The following TSHZ2 variants were observed in gnomAD, a reference collection of about 807,000 sequenced individuals.
The protein encoded by TSHZ2 is teashirt zinc finger homeobox 2.
A neutral mutation model predicts 74.4 loss-of-function variants in TSHZ2; 21 were observed. The ratio of observed to expected loss-of-function variants is 0.28; its 90% confidence interval spans 0.20 to 0.41. TSHZ2 has a LOEUF of 0.41. Among genes scored for constraint, TSHZ2 ranks in the 10% least tolerant of loss-of-function variants. The pLI is 1.00. For missense variants in TSHZ2, 1,244 were observed against 1,293.5 expected, an observed-to-expected ratio of 0.96 and a Z score of 0.59; for synonymous variants, 540 against 515.3, an observed-to-expected ratio of 1.05 and a Z score of -0.65.
intron 1 of TSHZ2, among the ~76,000 whole-genome samples, chr20:53,225,448 A>T: frequency 6.6e-6 from 1 of 152,224 alleles, no homozygotes. Context: ...CTGGATTCTG[A>T]CGAAGGTTAA....
chr20:53,348,342 T>C (rs1980519380), intron 2 of TSHZ2, among the ~76,000 whole-genome samples: 1 of 152,212 alleles, frequency 6.6e-6, no homozygotes, highest in East Asian at 1.9e-4. Context: ...GGATGAACCT[T>C]GCCTGTCTTT....
intron 1 of TSHZ2, among the ~76,000 whole-genome samples, chr20:53,131,828 C>G (rs1295860240): frequency 7.3e-6 from 1 of 137,808 alleles, no homozygotes; most frequent in Non-Finnish European, 1.6e-5. Flanking sequence ...AACCCCCCCC[C>G]CCCCCCAAAA....
intron 1 of TSHZ2, among the ~76,000 whole-genome samples, chr20:53,029,558 C>T (rs897928081): frequency 1.3e-5 from 2 of 152,146 alleles, no homozygotes; most frequent in African/African-American, 4.8e-5. Flanking sequence ...TGCCTGTAAT[C>T]CCAGCTACTT....
At chr20:53,442,514 G>A (rs1188614192) in intron 2 of TSHZ2, among the ~76,000 whole-genome samples, 21 of 152,178 alleles carry the variant, frequency 1.4e-4, no homozygotes, top group East Asian at 1.9e-4. Flanking sequence ...AGGGAAATGC[G>A]GTGGTAATTA....
At chr20:53,314,092 AGC>A (rs1171097775) in intron 2 of TSHZ2, among the ~76,000 whole-genome samples, 19 of 152,130 alleles carry the variant, frequency 1.2e-4, no homozygotes, top group African/African-American at 4.6e-4. Context: ...GTTCAAAACC[AGC>A]CCGGCCAACA....
rs548577622 is a variant in TSHZ2, at chr20:53,155,017, C to T, written c.41-98482C>T. Among the ~76,000 whole-genome samples, 12 of 146,172 alleles carry T rather than the reference C, an allele frequency of 8.2e-5. No individual in the cohort carries two copies. The South Asian group carries it at 2.6e-3, about 32-fold the overall frequency. ...AAAAAAATAGTTAATATGTGTGAGA[C>T]TTTTGTTTCTTCTAAGACAGGTGTT... On this transcript the variant is annotated intron_variant, in intron 1 of 2. Transcript: ENST00000371497.
intron 1 of TSHZ2, among the ~76,000 whole-genome samples, chr20:53,230,325 T>G (rs895877459): frequency 3.3e-5 from 5 of 152,228 alleles, no homozygotes; most frequent in Non-Finnish European, 5.9e-5. Context: ...CATAATTTAT[T>G]ATTTGAGGGA....
At chr20:53,236,219 A>G (rs56342100) in intron 1 of TSHZ2, among the ~76,000 whole-genome samples, 8 of 152,318 alleles carry the variant, frequency 5.3e-5, no homozygotes, top group Non-Finnish European at 1.0e-4. Context: ...TCTAACTACC[A>G]TCACTTCTTT....
chr20:53,323,563 CTTTTTTTTTTTTTTTTTT>C (rs34687825), intron 2 of TSHZ2, among the ~76,000 whole-genome samples: 2 of 36,662 alleles, frequency 5.5e-5, no homozygotes, highest in Non-Finnish European at 9.2e-5. Flanking sequence ...CCTTGGAGGG[CTTTTTTTTTTTTTTTTTT>C]TTTTTTTTTT....
intron 1 of TSHZ2, among the ~76,000 whole-genome samples, chr20:53,221,964 A>T (rs943902750): frequency 3.3e-5 from 5 of 152,244 alleles, no homozygotes; most frequent in African/African-American, 1.2e-4. Context: ...AGATGCGTGA[A>T]GTTAGGCGAA....
chr20:53,444,536 G>A (rs895025276), intron 2 of TSHZ2, among the ~76,000 whole-genome samples: 1 of 152,190 alleles, frequency 6.6e-6, no homozygotes, highest in Non-Finnish European at 1.5e-5. Flanking sequence ...GGGAGCTAGG[G>A]AAATCAATTT....
At chr20:53,212,397 A>T (rs1989332840) in intron 1 of TSHZ2, among the ~76,000 whole-genome samples, 1 of 152,208 alleles carries the variant, frequency 6.6e-6, no homozygotes, top group East Asian at 1.9e-4. Context: ...GTAGCAAATT[A>T]TACTAACGAA....
intron 1 of TSHZ2, among the ~76,000 whole-genome samples, chr20:53,058,549 G>C (rs560207617): frequency 6.6e-6 from 1 of 152,232 alleles, no homozygotes; most frequent in South Asian, 2.1e-4. Flanking sequence ...TGACAGCACG[G>C]GCCACACACC....
intron 2 of TSHZ2, among the ~76,000 whole-genome samples, chr20:53,315,879 C>G (rs1311690002): frequency 6.6e-6 from 1 of 152,060 alleles, no homozygotes; most frequent in East Asian, 1.9e-4. Context: ...ACACAGAGGC[C>G]TCCTAGAGGA....
intron 1 of TSHZ2, among the ~76,000 whole-genome samples, chr20:53,147,387 C>G (rs535130095): frequency 1.3e-5 from 2 of 152,266 alleles, no homozygotes; most frequent in African/African-American, 4.8e-5. Context: ...TGTATGTTAA[C>G]AGTTTTGTGC....
chr20:53,441,439 T>TTTTTG lies in TSHZ2; in HGVS notation c.*9-45690_*9-45686dup, dbSNP rs1007101721. Among the ~76,000 whole-genome samples, 83 of 151,726 alleles carry TTTTTG rather than the reference T, an allele frequency of 5.5e-4. 1 individual carries two copies. Among genetic ancestry groups the TTTTTG allele is most frequent in the African/African-American group, 1.8e-3 (76 of 41,402 alleles). Reference sequence around the variant, plus strand: ...CGCCACCAAAACCGGCTAGGTTTTCTTTTTGTTTTGTTTTGTTTTTTGTAT... The same window carrying TTTTTG: ...CGCCACCAAAACCGGCTAGGTTTTCTTTTTGTTTTGTTTTGTTTTGTTTTTTGTAT... On this transcript the variant is annotated intron_variant, in intron 2 of 2. Coordinates refer to ENST00000371497, the MANE Select transcript of TSHZ2 (RefSeq NM_173485.6).
chr20:53,206,540 T>TA (rs1477727774), intron 1 of TSHZ2: 3 of 152,270 alleles, frequency 2.0e-5, no homozygotes, highest in African/African-American at 7.2e-5. Flanking sequence ...CCGAAACACT[T>TA]ACCTCTTCAA....
chr20:53,253,975 C>G lies in TSHZ2; in HGVS notation c.517C>G (p.Leu173Val). Reference sequence around the variant, plus strand: ...TGATTTTGATTGGCACCAAGACGCTCTGTCCAAAAGCCTGCAGCAGAACTT... The same window carrying G: ...TGATTTTGATTGGCACCAAGACGCTGTGTCCAAAAGCCTGCAGCAGAACTT... Reference protein sequence around the residue: ...KSDFDWHQDALSKSLQQNLPS... With the variant: ...KSDFDWHQDAVSKSLQQNLPS... Residue 173 changes from leucine (L) to valine (V), a missense_variant, in exon 2 of 3, where the codon CTG becomes GTG. Around this residue, in one of 6 missense-constraint regions of TSHZ2, gnomAD observed 470 missense variants for 456.5 expected, o/e 1.03. Coordinates refer to ENST00000371497, the MANE Select transcript of TSHZ2 (RefSeq NM_173485.6). 1 of 1,614,188 alleles carries G rather than the reference C, an allele frequency of 6.2e-7. No individual in the cohort carries two copies. Among genetic ancestry groups the G allele is most frequent in the South Asian group, 1.1e-5 (1 of 91,066 alleles).
chr20:52,997,264 G>GGGC (rs1555813134), intron 1 of TSHZ2, among the ~76,000 whole-genome samples: 1 of 136,860 alleles, frequency 7.3e-6, no homozygotes, highest in Non-Finnish European at 1.6e-5. Context: ...TGCCCCGGGG[G>GGGC]GGGGTTCAGC....
Sources: allele counts gnomAD v4.1 joint callset (sites outside exome capture counted in the v4.1 genomes callset), GRCh38; gene constraint gnomAD v4.1.1; regional missense constraint gnomAD v4.1.1; transcripts MANE v1.5; gene names NCBI Gene and HGNC (gene_info 2026-07-23, HGNC 2026-07-21).